Variants in PDGFA observed in about 807,000 individuals in gnomAD.
PDGFA encodes platelet-derived growth factor subunit A.
PDGFA carries 9 observed loss-of-function variants against 25.6 expected under a neutral mutation model. The observed-to-expected ratio is 0.35, with a 90% CI of 0.21 to 0.61. The LOEUF is 0.61. PDGFA is among the 20% of genes least tolerant of loss of function. The pLI is 0.75. For synonymous variants in PDGFA, 133 were observed against 111.8 expected, an observed-to-expected ratio of 1.19 and a Z score of -1.20; for missense variants, 242 against 272.8, an observed-to-expected ratio of 0.89 and a Z score of 0.79.
chr7:499,727 C>A (rs75800501), intron 5 of PDGFA, among the ~76,000 whole-genome samples: 25,861 of 63,198 alleles, frequency 0.41, 9,796 homozygotes, highest in East Asian at 0.74. Context: ...CCTTCCCCCC[C>A]CCCCCCGCTC....
In PDGFA at chr7:500,589, A is replaced by C; in HGVS notation, c.580+527T>G. On this transcript the variant is annotated intron_variant, in intron 5 of 5. Coordinates refer to ENST00000402802, the Ensembl canonical transcript of PDGFA. The surrounding 1 kb of genome is among the most constrained non-coding windows in gnomAD (Gnocchi z 5.0). ...CAACAAATACCTACGGCATTTGTTT[A>C]TCTTTCCAGAAGAGAAGGCCAGCAC... 1 of 1,600,054 alleles carries C rather than the reference A, an allele frequency of 6.2e-7. No homozygotes were observed. The highest frequency in any genetic ancestry group is 8.5e-7 in the Non-Finnish European group (1 of 1,174,432).
intron 4 of PDGFA, among the ~76,000 whole-genome samples, chr7:510,445 C>T (rs548210987): frequency 2.2e-5 from 3 of 139,064 alleles, no homozygotes; most frequent in African/African-American, 5.3e-5. Flanking sequence ...GTGTTGGATG[C>T]GTGAGGGACC....
chr7:500,282 G>A lies in PDGFA; in HGVS notation c.580+834C>T. On this transcript the variant is annotated intron_variant, in intron 5 of 5. Coordinates refer to ENST00000402802, the Ensembl canonical transcript of PDGFA. The surrounding 1 kb of genome is among the most constrained non-coding windows in gnomAD (Gnocchi z 5.0). ...GAGGCAGGAGCGGACGGGGAGCAAG[G>A]AGACCCAAGCCCAGCAGACACCATC... The A allele has an allele frequency of 1.2e-6, 1 of 832,900 alleles. No homozygotes were observed. The highest frequency in any genetic ancestry group is 1.7e-5 in the African/African-American group (1 of 58,740). The allele number at this position is 832,900 out of a possible 1,614,324, so 51.6% of individuals were successfully genotyped here. A position where few individuals can be genotyped will look rare whatever the true frequency, so the allele number is the denominator to read the frequency against.
upstream of PDGFA, among the ~76,000 whole-genome samples, chr7:519,594 C>A (rs1041570946): frequency 2.7e-5 from 4 of 145,826 alleles, no homozygotes; most frequent in African/African-American, 4.9e-5. Flanking sequence ...CCCAGCACCC[C>A]CTCCGCGGCG....
intron 4 of PDGFA, among the ~76,000 whole-genome samples, chr7:509,880 A>G (rs1782720674): frequency 6.6e-6 from 1 of 152,134 alleles, no homozygotes; most frequent in African/African-American, 2.4e-5. Context: ...TTAAAGAAAG[A>G]GGGGCTCACC....
At chr7:504,806 A>G (rs995383149) in intron 4 of PDGFA, among the ~76,000 whole-genome samples, 5 of 152,212 alleles carry the variant, frequency 3.3e-5, no homozygotes, top group Non-Finnish European at 5.9e-5. Flanking sequence ...GGCTCGGCAG[A>G]GACCGCAGGC....
intron 4 of PDGFA, among the ~76,000 whole-genome samples, chr7:504,903 T>C (rs76169668): frequency 0.56 from 85,796 of 152,088 alleles, 24,674 homozygotes; most frequent in Non-Finnish European, 0.63. Flanking sequence ...GCGCGTGGGC[T>C]CCCAGGACAC....
chr7:512,486 C>T (rs755964021), intron 2 of PDGFA, 31 bp from the exon 3 acceptor site: 1 of 1,613,094 alleles, frequency 6.2e-7, no homozygotes, highest in Admixed American at 1.7e-5. Flanking sequence ...CCGTGAATGC[C>T]CCAGGCCCGT....
At chr7:509,839 C>A (rs1432257690) in intron 4 of PDGFA, among the ~76,000 whole-genome samples, 1 of 152,172 alleles carries the variant, frequency 6.6e-6, no homozygotes, top group Non-Finnish European at 1.5e-5. Flanking sequence ...TCTGCTAAAG[C>A]AGCCTGAAGA....
In PDGFA at chr7:517,068, A is replaced by G. The variant is rs946520013; in HGVS notation, c.160+326T>C. ...GCTCTGCGCCCAGGGTCTGGGCCGGATCCTGCCGCTCCCCCGGCCCGAGGG... is the reference window on the plus strand; with the variant it reads ...GCTCTGCGCCCAGGGTCTGGGCCGGGTCCTGCCGCTCCCCCGGCCCGAGGG... On this transcript the variant is annotated intron_variant, in intron 2 of 5. Coordinates refer to ENST00000402802, the Ensembl canonical transcript of PDGFA. This position sits in a 1 kb window ranked among gnomAD's most constrained non-coding sequence, Gnocchi z 7.4. Among the ~76,000 whole-genome samples the G allele has an allele frequency of 6.6e-6, 1 of 150,840 alleles. No individual in the cohort carries two copies.
At chr7:509,787 G>C (rs1782717680) in intron 4 of PDGFA, among the ~76,000 whole-genome samples, 1 of 152,148 alleles carries the variant, frequency 6.6e-6, no homozygotes, top group African/African-American at 2.4e-5. Context: ...CCAGAACTTT[G>C]AGAAATACAT....
At chr7:506,462 T>C (rs28578023) in intron 4 of PDGFA, among the ~76,000 whole-genome samples, 39,436 of 151,430 alleles carry the variant, frequency 0.26, 5,629 homozygotes, top group Middle Eastern at 0.32. Flanking sequence ...GACAGAGTCG[T>C]GGCTGGGAGC....
At chr7:498,710 A>G (rs1316216205) in intron 5 of PDGFA, 136 bp from the exon 6 acceptor site, 10 of 841,338 alleles carry the variant, frequency 1.2e-5, no homozygotes, top group Middle Eastern at 2.2e-4. Flanking sequence ...TCAAGTTTTC[A>G]AGAAATTTCC....
upstream of PDGFA, chr7:519,980 G>C (rs1456056891): frequency 3.5e-5 from 12 of 343,468 alleles, no homozygotes; most frequent in Non-Finnish European, 6.8e-5. Context: ...CTCGGGGTTC[G>C]TGCGGACCCG....
At chr7:509,280 A>T (rs1782696824) in intron 4 of PDGFA, among the ~76,000 whole-genome samples, 1 of 152,146 alleles carries the variant, frequency 6.6e-6, no homozygotes. Flanking sequence ...TAAGGTAGCC[A>T]TTAAGTCCTT....
chr7:500,885 C>T lies in PDGFA; in HGVS notation c.580+231G>A, dbSNP rs748321621. On this transcript the variant is annotated intron_variant, in intron 5 of 5. Coordinates refer to ENST00000402802, the Ensembl canonical transcript of PDGFA. This position sits in a 1 kb window ranked among gnomAD's most constrained non-coding sequence, Gnocchi z 5.0. ...CCCCTCTCAGTGAGACCTGAATCTC[C>T]TCTCCTGCCAGTGCCGCAGCTTGGG... 1.1e-5 allele frequency: 17 copies of T among 1,573,060 alleles called. No individual in the cohort carries two copies. Among genetic ancestry groups the T allele is most frequent in the African/African-American group, 4.0e-5 (3 of 74,362 alleles).
chr7:504,018 C>T (rs956087213), intron 4 of PDGFA, among the ~76,000 whole-genome samples: 2 of 152,152 alleles, frequency 1.3e-5, no homozygotes, highest in Non-Finnish European at 2.9e-5. Context: ...GAGAGGCCTC[C>T]GCAGGCCGTG....
At chr7:510,154 C>T (rs1485149655) in intron 4 of PDGFA, among the ~76,000 whole-genome samples, 1 of 152,184 alleles carries the variant, frequency 6.6e-6, no homozygotes, top group Non-Finnish European at 1.5e-5. Context: ...CCTCGCAAGG[C>T]CCAAAACGGC....
upstream of PDGFA, chr7:519,829 T>A (rs1783290497): frequency 7.0e-6 from 1 of 143,106 alleles, no homozygotes. Context: ...TTGGGCGGGC[T>A]CCGCAGGGCG....
Sources: gnomAD v4.1 joint callset for allele counts (sites outside exome capture counted in the v4.1 genomes callset) on GRCh38, gnomAD v4.1.1 for gene constraint, Gnocchi (gnomAD v3.1) non-coding constraint, MANE v1.5 for transcripts, NCBI Gene and HGNC (gene_info 2026-07-23, HGNC 2026-07-21) for gene names.